Variants in TMEM150C observed in about 807,000 individuals in gnomAD.
TMEM150C encodes the protein tentonin 3.
TMEM150C carries 10 observed loss-of-function variants against 29.9 expected under a neutral mutation model. The observed-to-expected ratio is 0.33, with a 90% CI of 0.21 to 0.57. The LOEUF (loss-of-function observed/expected upper bound fraction) is 0.57, where lower values mean the gene tolerates loss of function less well. TMEM150C is among the 20% of genes least tolerant of loss of function. The pLI is 0.88. For missense variants in TMEM150C, 251 were observed against 303.6 expected (o/e 0.83, Z 1.29); for synonymous variants, 101 against 112.5 (o/e 0.90, Z 0.64).
intron 7 of TMEM150C, 134 bp downstream of exon 7, chr4:82,489,927 T>C (rs1723277186): frequency 1.2e-6 from 1 of 857,954 alleles, no homozygotes; most frequent in African/African-American, 1.7e-5. Context: ...TTTTTGTTTT[T>C]ATACCTGTTT....
At chr4:82,522,454 C>T (rs1724517859) in intron 1 of TMEM150C, among the ~76,000 whole-genome samples, 1 of 152,182 alleles carries the variant, frequency 6.6e-6, no homozygotes, top group South Asian at 2.1e-4. Flanking sequence ...AAAAGAGATG[C>T]TTGCAGGTTT....
At chr4:82,561,526 G>A (rs1373700901) in intron 1 of TMEM150C, among the ~76,000 whole-genome samples, 1 of 151,724 alleles carries the variant, frequency 6.6e-6, no homozygotes, top group African/African-American at 2.4e-5. Flanking sequence ...GGGGCGGCGG[G>A]TGGGGACACC....
In TMEM150C at chr4:82,489,080, T is replaced by TTG. The variant is rs1377443982; in HGVS notation, c.541+980_541+981insCA. Among the ~76,000 whole-genome samples, 14 of 151,468 alleles carry TTG rather than the reference T, an allele frequency of 9.2e-5. No individual in the cohort carries two copies. The East Asian group carries it at 2.5e-3, about 27-fold the overall frequency. On this transcript the variant is annotated intron_variant, in intron 7 of 7. Coordinates refer to ENST00000449862, the MANE Select transcript of TMEM150C (RefSeq NM_001080506.3). Reference sequence around the variant, plus strand: ...TTTTTAGATTTTTTTTTTTTTTTTTTTTGTAGAGACAGGGTCTCCCTTTGT... The same window carrying TTG: ...TTTTTAGATTTTTTTTTTTTTTTTTTTGTTGTAGAGACAGGGTCTCCCTTTGT...
At chr4:82,518,674 A>T (rs2110077463) in intron 1 of TMEM150C, among the ~76,000 whole-genome samples, 1 of 152,280 alleles carries the variant, frequency 6.6e-6, no homozygotes, top group Admixed American at 6.5e-5. Context: ...CTAGACCAGC[A>T]GGCTCCTCCC....
chr4:82,527,701 T>A (rs997438043), intron 1 of TMEM150C, among the ~76,000 whole-genome samples: 4 of 152,146 alleles, frequency 2.6e-5, no homozygotes, highest in Admixed American at 2.0e-4. Flanking sequence ...AACTCCAGCA[T>A]CAGAAGTGAA....
At chr4:82,511,758 C>T (rs1463657190) in intron 1 of TMEM150C, among the ~76,000 whole-genome samples, 1 of 152,084 alleles carries the variant, frequency 6.6e-6, no homozygotes, top group Non-Finnish European at 1.5e-5. Flanking sequence ...TGAGCCACTG[C>T]GCCTGGCCTG....
At chr4:82,509,873 CA>C (rs1371539412) in intron 1 of TMEM150C, 1 of 152,116 alleles carries the variant, frequency 6.6e-6, no homozygotes, top group Admixed American at 6.5e-5. Context: ...TCATCAAATT[CA>C]AAACAGATAG....
chr4:82,497,245 T>G (rs1723586705), intron 5 of TMEM150C, among the ~76,000 whole-genome samples: 1 of 152,200 alleles, frequency 6.6e-6, no homozygotes, highest in African/African-American at 2.4e-5. Flanking sequence ...TCACTTTCGA[T>G]TAATGTAAAT....
chr4:82,491,139 T>C (rs1226212102), intron 6 of TMEM150C: 2 of 702,604 alleles, frequency 2.8e-6, no homozygotes, highest in African/African-American at 3.5e-5. Context: ...CTCGATGGGA[T>C]CCACATCGTG....
chr4:82,546,879 A>G (rs1403314629), intron 1 of TMEM150C, among the ~76,000 whole-genome samples: 2 of 152,136 alleles, frequency 1.3e-5, no homozygotes, highest in African/African-American at 4.8e-5. Context: ...ACCTTTCACC[A>G]TATACAAAAA....
Position 82,485,631 on chromosome 4 carries a change from G to A in TMEM150C, c.630C>T (p.Thr210=). Residue 210 remains threonine (T), a synonymous_variant, in exon 8 of 8, where the codon ACC becomes ACT. Coordinates refer to ENST00000449862, the MANE Select transcript of TMEM150C (RefSeq NM_001080506.3). ...LVMCFLSYFG[T]FAVEFRHYRY... is the part of the protein sequence containing the mutation. Reference sequence around the variant, plus strand: ...GGTAATGCCGGAACTCCACGGCAAAGGTGCCAAAATAAGACAGGAAGCACA... The same window carrying A: ...GGTAATGCCGGAACTCCACGGCAAAAGTGCCAAAATAAGACAGGAAGCACA... 1 of 1,610,234 alleles carries A rather than the reference G, an allele frequency of 6.2e-7. No individual in the cohort carries two copies. The highest frequency in any genetic ancestry group is 8.5e-7 in the Non-Finnish European group (1 of 1,178,252).
chr4:82,545,933 A>C (rs914541614), intron 1 of TMEM150C, among the ~76,000 whole-genome samples: 1 of 94,070 alleles, frequency 1.1e-5, no homozygotes, highest in Admixed American at 9.9e-5. Context: ...TCAAAAAAAC[A>C]AAAAAAAAAG....
At chr4:82,523,382 C>A (rs1203278640) in intron 1 of TMEM150C, among the ~76,000 whole-genome samples, 1 of 152,128 alleles carries the variant, frequency 6.6e-6, no homozygotes, top group Admixed American at 6.5e-5. Context: ...CGTAGCCCTG[C>A]GAGAAAGCTG....
intron 5 of TMEM150C, among the ~76,000 whole-genome samples, chr4:82,500,463 T>C (rs1005608248): frequency 4.6e-5 from 7 of 152,184 alleles, no homozygotes; most frequent in African/African-American, 1.7e-4. Context: ...TGAACAATAA[T>C]CTTAATCAAT....
At chr4:82,487,349 T>C (rs1035334711) in intron 7 of TMEM150C, among the ~76,000 whole-genome samples, 5 of 152,152 alleles carry the variant, frequency 3.3e-5, no homozygotes, top group African/African-American at 1.2e-4. Context: ...CTCTCTAGGC[T>C]GAGATGGGAG....
intron 1 of TMEM150C, among the ~76,000 whole-genome samples, chr4:82,556,408 A>G (rs547606479): frequency 6.6e-6 from 1 of 152,372 alleles, no homozygotes; most frequent in East Asian, 1.9e-4. Context: ...CTTCTATTAG[A>G]CATTTTATTT....
chr4:82,545,756 C>A (rs1725361362), intron 1 of TMEM150C, among the ~76,000 whole-genome samples: 2 of 152,038 alleles, frequency 1.3e-5, no homozygotes, highest in African/African-American at 4.8e-5. Context: ...ATGGCAAAAC[C>A]CTGTCTCTAC....
intron 6 of TMEM150C, 51 bp downstream of exon 6, chr4:82,496,017 G>A: frequency 6.2e-7 from 1 of 1,610,432 alleles, no homozygotes; most frequent in South Asian, 1.1e-5. Context: ...AGTCTCAGAA[G>A]TGAAGGTCTT....
At chr4:82,536,977 AATT>A (rs1214219008) in intron 1 of TMEM150C, among the ~76,000 whole-genome samples, 2 of 151,930 alleles carry the variant, frequency 1.3e-5, no homozygotes, top group Non-Finnish European at 2.9e-5. Context: ...CAACTTCAAC[AATT>A]ATTATTATTA....
Sources: gnomAD v4.1 joint callset for allele counts (sites outside exome capture counted in the v4.1 genomes callset) on GRCh38, gnomAD v4.1.1 for gene constraint, MANE v1.5 for transcripts, NCBI Gene and HGNC (gene_info 2026-07-23, HGNC 2026-07-21) for gene names.